LDLRAD3: variants seen among roughly 807,000 people sequenced by gnomAD.
LDLRAD3 encodes low density lipoprotein receptor class A domain containing 3.
Under a neutral mutation model 29.4 loss-of-function variants are expected in LDLRAD3, and 20 were observed. That is an observed-to-expected ratio of 0.68 (90% CI 0.48 to 0.99). LDLRAD3 has a LOEUF of 0.99. Among genes scored for constraint, LDLRAD3 ranks in the 50% least tolerant of loss-of-function variants. LDLRAD3 has a pLI of 0.00. For missense variants in LDLRAD3, 420 were observed against 454.3 expected, an observed-to-expected ratio of 0.92 and a Z score of 0.69; for synonymous variants, 157 against 192.7, an observed-to-expected ratio of 0.81 and a Z score of 1.53.
chr11:36,104,632 G>A (rs1032677780), intron 4 of LDLRAD3, among the ~76,000 whole-genome samples: 1 of 152,244 alleles, frequency 6.6e-6, no homozygotes, highest in South Asian at 2.1e-4. Flanking sequence ...GAGCATTATT[G>A]TATTTTCCTG....
chr11:36,048,872 G>A (rs75573993), intron 2 of LDLRAD3, among the ~76,000 whole-genome samples: 4,768 of 152,264 alleles, frequency 0.031, 237 homozygotes, highest in Admixed American at 0.13. Flanking sequence ...GTATGGAGTC[G>A]TCTTAAAGTT....
chr11:36,006,177 G>GT (rs1399238468), intron 1 of LDLRAD3, among the ~76,000 whole-genome samples: 5 of 152,180 alleles, frequency 3.3e-5, no homozygotes, highest in African/African-American at 7.2e-5. Flanking sequence ...AGCCCCAGCA[G>GT]TTTGATTCTG....
rs938144364 is a variant in LDLRAD3, at chr11:35,963,162, C to A, written c.46+19018C>A. On this transcript the variant is annotated intron_variant, in intron 1 of 5. Coordinates refer to ENST00000315571, the MANE Select transcript of LDLRAD3 (RefSeq NM_174902.4). ...GCATTGCCTGAGATTTTGGGATGAA[C>A]ATATTTGTGTCTGTGCATGTATGAA... 5.7e-4 allele frequency among the ~76,000 whole-genome samples: 87 copies of A among 152,288 alleles called. 1 individual carries two copies. The highest frequency in any genetic ancestry group is 4.0e-4 in the Non-Finnish European group (27 of 68,000).
intron 1 of LDLRAD3, among the ~76,000 whole-genome samples, chr11:35,979,920 C>T (rs1163931734): frequency 1.3e-5 from 2 of 152,112 alleles, no homozygotes; most frequent in Non-Finnish European, 2.9e-5. Flanking sequence ...TTTATCAATG[C>T]GGAGCATCAT....
At chr11:36,169,301 C>G (rs956254080) in intron 4 of LDLRAD3, among the ~76,000 whole-genome samples, 2 of 152,178 alleles carry the variant, frequency 1.3e-5, no homozygotes, top group African/African-American at 4.8e-5. Context: ...TGGGAACATG[C>G]CAAATCATCT....
intron 4 of LDLRAD3, 29 bp from the exon 5 acceptor site, chr11:36,227,056 T>G: frequency 6.6e-7 from 1 of 1,510,262 alleles, no homozygotes; most frequent in Non-Finnish European, 9.0e-7. Flanking sequence ...TAACCTTCTC[T>G]CTTTTCTCTC....
chr11:36,023,826 C>T (rs923752163), intron 1 of LDLRAD3, among the ~76,000 whole-genome samples: 3 of 152,174 alleles, frequency 2.0e-5, no homozygotes, highest in South Asian at 2.1e-4. Context: ...TCTCATTTGA[C>T]CTGCTTTACA....
At chr11:36,221,679 A>C (rs2133389186) in intron 4 of LDLRAD3, among the ~76,000 whole-genome samples, 1 of 152,312 alleles carries the variant, frequency 6.6e-6, no homozygotes, top group East Asian at 1.9e-4. Context: ...CAGCCTGGGC[A>C]AGTCTTAAAG....
intron 2 of LDLRAD3, among the ~76,000 whole-genome samples, chr11:36,076,234 A>G (rs1296179456): frequency 4.6e-5 from 7 of 151,580 alleles, no homozygotes; most frequent in South Asian, 2.1e-4. Flanking sequence ...CCATCCATCC[A>G]TCCATCCATC....
chr11:36,086,018 C>T (rs554315992), intron 3 of LDLRAD3, among the ~76,000 whole-genome samples: 153 of 152,118 alleles, frequency 1.0e-3, no homozygotes, highest in Non-Finnish European at 1.8e-3. Flanking sequence ...TCTGTCATCT[C>T]CAGTCTGCTT....
At chr11:36,056,457 C>G (rs1852621971) in intron 2 of LDLRAD3, among the ~76,000 whole-genome samples, 1 of 152,142 alleles carries the variant, frequency 6.6e-6, no homozygotes, top group Non-Finnish European at 1.5e-5. Flanking sequence ...CTGGCTGAGG[C>G]ACTTGGGTGG....
intron 4 of LDLRAD3, among the ~76,000 whole-genome samples, chr11:36,173,562 A>T (rs977640834): frequency 9.9e-5 from 15 of 152,154 alleles, no homozygotes; most frequent in African/African-American, 3.4e-4. Context: ...TATATATGCC[A>T]CATTTTCTTA....
chr11:36,227,531 G>C (rs878964236), intron 5 of LDLRAD3, 101 bp downstream of exon 5: 3 of 868,856 alleles, frequency 3.5e-6, no homozygotes, highest in Admixed American at 6.2e-5. Context: ...CAAGAGCCTG[G>C]CTTCAGCTGC....
chr11:36,144,292 C>T (rs990225214), intron 4 of LDLRAD3, among the ~76,000 whole-genome samples: 8 of 151,280 alleles, frequency 5.3e-5, no homozygotes, highest in African/African-American at 1.2e-4. Context: ...CCTCCACCTC[C>T]CAGCTGCCTG....
In LDLRAD3 at chr11:36,097,150, T is replaced by C. The variant is rs373871033; in HGVS notation, c.320-1177T>C. ...TTCTTTTGAGGTCTCAGAAAGTGCC[T>C]AGAATAGGAGCCTCATGGAGGAGCT... On this transcript the variant is annotated intron_variant, in intron 3 of 5. Transcript: ENST00000315571. 4.6e-5 allele frequency among the ~76,000 whole-genome samples: 7 copies of C among 152,298 alleles called. No homozygotes were observed. In the East Asian group the frequency reaches 1.4e-3, roughly 29 times the overall value.
intron 2 of LDLRAD3, among the ~76,000 whole-genome samples, chr11:36,054,421 C>T (rs73452643): frequency 0.08 from 12,190 of 152,182 alleles, 803 homozygotes; most frequent in African/African-American, 0.16. Flanking sequence ...CAGAGTAGAC[C>T]GGTATGCCAT....
At chr11:36,017,512 C>T (rs1852038038) in intron 1 of LDLRAD3, among the ~76,000 whole-genome samples, 1 of 150,194 alleles carries the variant, frequency 6.7e-6, no homozygotes, top group Non-Finnish European at 1.5e-5. Context: ...CATGATTGTA[C>T]TGATTAAGCC....
At chr11:36,191,223 G>C (rs977920109) in intron 4 of LDLRAD3, among the ~76,000 whole-genome samples, 2 of 152,096 alleles carry the variant, frequency 1.3e-5, no homozygotes, top group African/African-American at 4.8e-5. Flanking sequence ...GGTGTGGGGA[G>C]AGATTTCTAT....
intron 1 of LDLRAD3, among the ~76,000 whole-genome samples, chr11:36,014,292 A>G (rs1851992690): frequency 6.6e-6 from 1 of 152,254 alleles, no homozygotes; most frequent in South Asian, 2.1e-4. Flanking sequence ...AGAGACAGAC[A>G]GATAGACAGA....
Sources: allele counts gnomAD v4.1 joint callset (sites outside exome capture counted in the v4.1 genomes callset), GRCh38; gene constraint gnomAD v4.1.1; transcripts MANE v1.5; gene names NCBI Gene and HGNC (gene_info 2026-07-23, HGNC 2026-07-21).